RANBP1: variants seen among roughly 807,000 people sequenced by gnomAD.
RANBP1 encodes RAN binding protein 1, also known as ran-specific GTPase-activating protein.
Under a neutral mutation model 31.4 loss-of-function variants are expected in RANBP1, and 16 were observed. That is an observed-to-expected ratio of 0.51 (90% CI 0.34 to 0.77). The LOEUF (loss-of-function observed/expected upper bound fraction) is 0.77, where lower values mean the gene tolerates loss of function less well. RANBP1 is among the 30% of genes least tolerant of loss of function. The pLI is 0.01. For synonymous variants in RANBP1, 129 were observed against 140.5 expected (o/e 0.92, Z 0.58); for missense variants, 265 against 362.0 (o/e 0.73, Z 2.17).
intron 2 of RANBP1, among the ~76,000 whole-genome samples, chr22:20,120,143 GCT>G (rs1649634169): frequency 1.3e-5 from 2 of 152,340 alleles, no homozygotes; most frequent in South Asian, 4.1e-4. Context: ...AGGTTTTGTT[GCT>G]CTGGGGTGGG....
At chr22:20,116,502 C>T (rs773224772) in intron 1 of RANBP1, 72 bp downstream of exon 1, 2 of 1,612,764 alleles carry the variant, frequency 1.2e-6, no homozygotes, top group Non-Finnish European at 1.7e-6. Context: ...CCCCAGCGCC[C>T]TCTTTCTCCA....
In RANBP1 at chr22:20,122,299, A is replaced by G; in HGVS notation, c.419A>G (p.Asp140Gly). The G allele has an allele frequency of 1.2e-6, 2 of 1,613,114 alleles. No individual in the cohort carries two copies. Among genetic ancestry groups the G allele is most frequent in the Non-Finnish European group, 1.7e-6 (2 of 1,179,862 alleles). ...CTGTTCCGATTTGCCTCTGAGAACG[A>G]TCTCCCAGAATGGAAGGAGCGAGGC... ...AKLFRFASEN[D>G]LPEWKERGTG... The change falls in exon 3 of 6, where the codon GAT becomes GGT. Residue 140 changes from aspartate (D) to glycine (G), a missense_variant. By Grantham distance (94) the Asp-to-Gly change is moderately conservative (BLOSUM62 -1). This residue lies in a region of RANBP1 where 90 missense variants were observed against 190.5 expected (regional missense o/e 0.47). Transcript: ENST00000430524.
At chr22:20,116,940 C>G in intron 1 of RANBP1, 1 of 1,578,672 alleles carries the variant, frequency 6.3e-7, no homozygotes, top group African/African-American at 1.3e-5. Flanking sequence ...ACCAGGGACG[C>G]CATGGGGGCC....
intron 3 of RANBP1, among the ~76,000 whole-genome samples, chr22:20,122,932 GC>G: frequency 7.2e-6 from 1 of 138,398 alleles, no homozygotes; most frequent in Non-Finnish European, 1.6e-5. Flanking sequence ...GGTGTCTGGG[GC>G]GGGGGTTGTG....
Position 20,122,436 on chromosome 22 carries a change from C to T in RANBP1, c.541+15C>T, listed in dbSNP as rs749861199. On this transcript the variant is annotated intron_variant, in intron 3 of 5. Transcript: ENST00000430524. Reference sequence around the variant, plus strand: ...CAACCACTACAGTAGGTGGCATGAACGACCACCTCGACAGTCCCCAGCAGC... The same window carrying T: ...CAACCACTACAGTAGGTGGCATGAATGACCACCTCGACAGTCCCCAGCAGC... The T allele has an allele frequency of 6.8e-6, 11 of 1,610,842 alleles. No homozygotes were observed. Among genetic ancestry groups the T allele is most frequent in the South Asian group, 3.3e-5 (3 of 91,032 alleles).
At chr22:20,121,279 C>T (rs1382746248) in intron 2 of RANBP1, among the ~76,000 whole-genome samples, 1 of 150,870 alleles carries the variant, frequency 6.6e-6, no homozygotes, top group Admixed American at 6.6e-5. Flanking sequence ...GATGGAATTT[C>T]GCTCTTGCTG....
intron 5 of RANBP1, 191 bp from the exon 6 acceptor site, chr22:20,126,761 C>A: frequency 7.4e-7 from 1 of 1,350,532 alleles, no homozygotes; most frequent in Non-Finnish European, 1.0e-6. Flanking sequence ...TGAGTGCATC[C>A]ACCTGGCTTC....
intron 1 of RANBP1, chr22:20,116,975 G>A: frequency 1.3e-6 from 2 of 1,507,622 alleles, no homozygotes; most frequent in East Asian, 2.4e-5. Flanking sequence ...TCCTGGGCCT[G>A]TCACAAGGGA....
intron 1 of RANBP1, chr22:20,117,553 C>G (rs1431456908): frequency 7.1e-7 from 1 of 1,405,750 alleles, no homozygotes; most frequent in Non-Finnish European, 9.3e-7. Context: ...GAGGCGCCGG[C>G]GCCAGACGCG....
intron 2 of RANBP1, among the ~76,000 whole-genome samples, chr22:20,119,737 G>A (rs536737584): frequency 2.0e-4 from 31 of 152,250 alleles, no homozygotes; most frequent in African/African-American, 7.0e-4. Context: ...GGATGGTCTC[G>A]ATCTCCTGAC....
chr22:20,126,442 C>G (rs764317342), intron 5 of RANBP1, 74 bp downstream of exon 5: 1 of 1,610,200 alleles, frequency 6.2e-7, no homozygotes. Flanking sequence ...CAGGCGGGTG[C>G]TTTTTCTGTC....
intron 1 of RANBP1, chr22:20,118,290 C>G: frequency 2.0e-6 from 2 of 1,002,442 alleles, no homozygotes; most frequent in Non-Finnish European, 2.4e-6. Context: ...TCTTGGGTCT[C>G]TTACGGACTT....
chr22:20,116,563 C>T, intron 1 of RANBP1, 133 bp downstream of exon 1: 1 of 1,582,074 alleles, frequency 6.3e-7, no homozygotes, highest in Non-Finnish European at 8.6e-7. Flanking sequence ...GGTAGGGCAG[C>T]TCAGGGCACT....
intron 1 of RANBP1, chr22:20,117,366 G>T: frequency 1.6e-6 from 2 of 1,218,402 alleles, no homozygotes; most frequent in South Asian, 2.9e-5. Context: ...GCTGACGGGC[G>T]GGCCGGGCAT....
At chr22:20,122,934 GGGGGTTGTGT>G (rs1035510464) in intron 3 of RANBP1, among the ~76,000 whole-genome samples, 1 of 134,204 alleles carries the variant, frequency 7.5e-6, no homozygotes, top group African/African-American at 2.8e-5. Context: ...TGTCTGGGGC[GGGGGTTGTGT>G]GGTTGGGTGT....
intron 1 of RANBP1, 126 bp from the exon 2 acceptor site, chr22:20,118,887 G>T: frequency 1.0e-6 from 1 of 956,150 alleles, no homozygotes. Flanking sequence ...TTGCTTTGGG[G>T]TTGGGCCCAT....
rs532429744 is a variant in RANBP1, at chr22:20,120,070, T to A, written c.383+921T>A. ...CACCTCAGTGAAAATGAGGTTGTAG[T>A]TTTTCCCTGTTCAAGTTCATGGAAT... On this transcript the variant is annotated intron_variant, in intron 2 of 5. Coordinates refer to ENST00000430524, the MANE Select transcript of RANBP1 (RefSeq NM_001278639.2). Among the ~76,000 whole-genome samples, 11 of 152,286 alleles carry A rather than the reference T, an allele frequency of 7.2e-5. No individual in the cohort carries two copies. The East Asian group carries it at 2.1e-3, about 29-fold the overall frequency.
In RANBP1 at chr22:20,116,780, T is replaced by C; in HGVS notation, c.246+350T>C. 2.4e-6 allele frequency: 3 copies of C among 1,267,104 alleles called. No homozygotes were observed. The highest frequency in any genetic ancestry group is 2.9e-5 in the East Asian group (1 of 34,688). The allele number at this position is 1,267,104 out of a possible 1,614,324, so 78.5% of individuals were successfully genotyped here. ...CATTCCCGTCTCCTTTCCTCCCCTATCGCACCTGCCTCGTCCCCACCTATT... is the reference window on the plus strand; with the variant it reads ...CATTCCCGTCTCCTTTCCTCCCCTACCGCACCTGCCTCGTCCCCACCTATT... On this transcript the variant is annotated intron_variant, in intron 1 of 5. Transcript: ENST00000430524.
chr22:20,120,812 A>G (rs573805344), intron 2 of RANBP1, among the ~76,000 whole-genome samples: 9 of 151,558 alleles, frequency 5.9e-5, no homozygotes, highest in African/African-American at 2.2e-4. Flanking sequence ...GCGTCCGGTC[A>G]TCTAATTCTC....
Sources: gnomAD v4.1 joint callset for allele counts (sites outside exome capture counted in the v4.1 genomes callset) on GRCh38, gnomAD v4.1.1 for gene constraint, gnomAD v4.1.1 regional missense constraint, MANE v1.5 for transcripts, NCBI Gene and HGNC (gene_info 2026-07-23, HGNC 2026-07-21) for gene names.